Variants in PRPF18 observed in about 807,000 individuals in gnomAD.
The protein encoded by PRPF18 is pre-mRNA-splicing factor 18.
A neutral mutation model predicts 46.5 loss-of-function variants in PRPF18; 38 were observed. The observed-to-expected ratio is 0.82, with a 90% confidence interval of 0.63 to 1.07. The LOEUF (loss-of-function observed/expected upper bound fraction) is 1.07, where lower values mean the gene tolerates loss of function less well. PRPF18 is among the 50% of genes least tolerant of loss of function. PRPF18 has a pLI of 0.00. For synonymous variants in PRPF18, 152 were observed against 146.7 expected, an observed-to-expected ratio of 1.04 and a Z score of -0.26; for missense variants, 263 against 410.0, an observed-to-expected ratio of 0.64 and a Z score of 3.10.
the PRPF18 span, chr10:13,645,591 A>T: frequency 2.0e-5 from 3 of 152,586 alleles, no homozygotes; most frequent in Non-Finnish European, 4.4e-5. Context: ...CTCTTTTGGT[A>T]TCTGCACACA....
intron 9 of PRPF18, among the ~76,000 whole-genome samples, chr10:13,624,143 A>AT (rs1208694937): frequency 2.0e-5 from 3 of 151,836 alleles, no homozygotes; most frequent in African/African-American, 4.8e-5. Flanking sequence ...TGCCTGGCTG[A>AT]TTTTTTTTGT....
At chr10:13,589,352 C>G (rs1445132447) in intron 1 of PRPF18, among the ~76,000 whole-genome samples, 1 of 152,194 alleles carries the variant, frequency 6.6e-6, no homozygotes, top group Non-Finnish European at 1.5e-5. Context: ...CTCCACACAA[C>G]CAGCAAACTT....
chr10:13,654,383 T>A, the PRPF18 span: 1 of 1,334,844 alleles, frequency 7.5e-7, no homozygotes, highest in Non-Finnish European at 1.1e-6. Flanking sequence ...TCTTTCGAGC[T>A]GACACAGTGA....
chr10:13,646,496 T>A, the PRPF18 span: 32 of 152,376 alleles, frequency 2.1e-4, no homozygotes, highest in African/African-American at 7.7e-4. Context: ...CTCCTCTTCA[T>A]GAAGTGCTTG....
chr10:13,606,976 G>GTGTCTGGTA (rs977398331), intron 4 of PRPF18, among the ~76,000 whole-genome samples: 22 of 152,298 alleles, frequency 1.4e-4, no homozygotes, highest in African/African-American at 5.3e-4. Flanking sequence ...ATTCTCTTTT[G>GTGTCTGGTA]TGTCTGGTAG....
chr10:13,639,135 G>A, the PRPF18 span: 2 of 152,154 alleles, frequency 1.3e-5, no homozygotes, highest in African/African-American at 2.4e-5. Flanking sequence ...AAGTGGTTCT[G>A]TGGATGTTGG....
intron 1 of PRPF18, among the ~76,000 whole-genome samples, chr10:13,590,838 C>T (rs1296125995): frequency 1.3e-5 from 2 of 152,030 alleles, no homozygotes; most frequent in Non-Finnish European, 2.9e-5. Context: ...TACTTCAGAG[C>T]CTGATCTGTT....
At chr10:13,651,830 T>C in the PRPF18 span, 1 of 795,186 alleles carries the variant, frequency 1.3e-6, no homozygotes, top group Non-Finnish European at 2.3e-6. Context: ...GTGGAAATGA[T>C]GACATGGACA....
At chr10:13,643,835 T>C in the PRPF18 span, 1 of 152,686 alleles carries the variant, frequency 6.5e-6, no homozygotes, top group Non-Finnish European at 1.5e-5. Flanking sequence ...TCTGCAACTT[T>C]GTCTACAACG....
intron 4 of PRPF18, among the ~76,000 whole-genome samples, chr10:13,608,559 G>T (rs1450580232): frequency 6.6e-6 from 1 of 152,160 alleles, no homozygotes; most frequent in African/African-American, 2.4e-5. Flanking sequence ...TGTATGCTCT[G>T]GTTGAAATCT....
intron 9 of PRPF18, among the ~76,000 whole-genome samples, chr10:13,626,815 T>TC (rs1554811007): frequency 2.2e-3 from 337 of 151,458 alleles, no homozygotes; most frequent in Non-Finnish European, 3.5e-3. Context: ...TTTTTTTTTT[T>TC]CCCCTCAAAC....
intron 1 of PRPF18, chr10:13,591,413 C>A (rs1018138520): frequency 4.2e-6 from 2 of 470,738 alleles, no homozygotes; most frequent in Non-Finnish European, 7.6e-6. Context: ...ATTCAGTCCT[C>A]CTTTTTTGTT....
intron 6 of PRPF18, 146 bp downstream of exon 6, chr10:13,611,829 G>T: frequency 1.6e-6 from 1 of 630,058 alleles, no homozygotes; most frequent in South Asian, 2.2e-5. Flanking sequence ...ATATCACTAT[G>T]CACTTGATGT....
the PRPF18 span, chr10:13,654,040 A>T: frequency 9.7e-6 from 4 of 412,922 alleles, no homozygotes; most frequent in African/African-American, 8.2e-5. Context: ...TGCTGTCTTC[A>T]TCAGCTCTCT....
At chr10:13,595,363 C>T (rs540219638) in intron 1 of PRPF18, among the ~76,000 whole-genome samples, 2 of 151,256 alleles carry the variant, frequency 1.3e-5, no homozygotes, top group East Asian at 4.0e-4. Context: ...AAAGATTGGA[C>T]CATGGCCTCC....
intron 1 of PRPF18, among the ~76,000 whole-genome samples, chr10:13,589,705 T>A (rs1373447317): frequency 6.6e-6 from 1 of 152,240 alleles, no homozygotes; most frequent in Non-Finnish European, 1.5e-5. Flanking sequence ...CATCACAGAA[T>A]ATCTGACTTA....
intron 8 of PRPF18, among the ~76,000 whole-genome samples, chr10:13,616,048 C>T (rs2080335815): frequency 6.6e-6 from 1 of 152,152 alleles, no homozygotes; most frequent in Non-Finnish European, 1.5e-5. Context: ...CTAAAGGAGA[C>T]CAAAACTAGA....
chr10:13,598,386 A>G (rs2080063509), intron 2 of PRPF18, among the ~76,000 whole-genome samples: 1 of 152,180 alleles, frequency 6.6e-6, no homozygotes, highest in Non-Finnish European at 1.5e-5. Flanking sequence ...ATATCAATAT[A>G]AGATAATACT....
downstream of PRPF18, among the ~76,000 whole-genome samples, chr10:13,633,140 C>T (rs1000521870): frequency 6.6e-6 from 1 of 152,052 alleles, no homozygotes; most frequent in Non-Finnish European, 1.5e-5. Flanking sequence ...AAGCTAAGGC[C>T]AAAGATAATT....
Sources: gnomAD v4.1 joint callset for allele counts (sites outside exome capture counted in the v4.1 genomes callset) on GRCh38, gnomAD v4.1.1 for gene constraint, MANE v1.5 for transcripts, NCBI Gene and HGNC (gene_info 2026-07-23, HGNC 2026-07-21) for gene names.